IL1RAPL1: variants seen among roughly 807,000 people sequenced by gnomAD.
The protein encoded by IL1RAPL1 is interleukin 1 receptor accessory protein like 1.
A neutral mutation model predicts 48.4 loss-of-function variants in IL1RAPL1; 3 were observed. The observed-to-expected ratio is 0.06, with a 90% CI of 0.03 to 0.16. IL1RAPL1 has a LOEUF of 0.16. Among genes scored for constraint, IL1RAPL1 ranks in the 10% least tolerant of loss-of-function variants. IL1RAPL1 has a pLI of 1.00. For synonymous variants in IL1RAPL1, 185 were observed against 187.7 expected (o/e 0.99, Z 0.12); for missense variants, 349 against 530.6 (o/e 0.66, Z 3.36).
chrX:28,694,241 G>A (rs1193363917), intron 1 of IL1RAPL1, among the ~76,000 whole-genome samples: 1 of 112,055 alleles, frequency 8.9e-6, no homozygotes, highest in African/African-American at 3.2e-5. Context: ...AAATCCTGCA[G>A]TGTATGTTTA....
intron 3 of IL1RAPL1, among the ~76,000 whole-genome samples, chrX:29,382,774 C>T (rs1482257697): frequency 9.0e-6 from 1 of 111,545 alleles, no homozygotes; most frequent in Non-Finnish European, 1.9e-5. Flanking sequence ...GCAGCTCTTT[C>T]AGGCAATACT....
chrX:29,190,754 T>C (rs1602104148), intron 2 of IL1RAPL1, among the ~76,000 whole-genome samples: 1 of 112,567 alleles, frequency 8.9e-6, no homozygotes, highest in African/African-American at 3.2e-5. Flanking sequence ...TAAGTACTGT[T>C]TATGGCTTAT....
At chrX:29,282,247 A>G (rs931080152) in intron 2 of IL1RAPL1, among the ~76,000 whole-genome samples, 3 of 112,640 alleles carry the variant, frequency 2.7e-5, no homozygotes, top group Non-Finnish European at 5.6e-5. Flanking sequence ...GAGATAGCAC[A>G]CCTGAGAAAA....
At chrX:29,500,811 T>G (rs1249215298) in intron 5 of IL1RAPL1, among the ~76,000 whole-genome samples, 5 of 54,124 alleles carry the variant, frequency 9.2e-5, no homozygotes, top group Non-Finnish European at 1.9e-4. Flanking sequence ...ATATTTGTCT[T>G]TTTTCTTTTG....
intron 8 of IL1RAPL1, among the ~76,000 whole-genome samples, chrX:29,937,402 G>T (rs1933050714): frequency 8.9e-6 from 1 of 112,026 alleles, no homozygotes; most frequent in African/African-American, 3.2e-5. Flanking sequence ...ATAAAATACA[G>T]CAGTGGGCCC....
At chrX:29,511,586 A>G (rs753987775) in intron 5 of IL1RAPL1, among the ~76,000 whole-genome samples, 1 of 112,170 alleles carries the variant, frequency 8.9e-6, no homozygotes, top group Admixed American at 9.5e-5. Context: ...AGTTTTTGTA[A>G]CATTGGTGTT....
intron 2 of IL1RAPL1, among the ~76,000 whole-genome samples, chrX:28,916,271 A>G (rs1923488381): frequency 9.0e-6 from 1 of 110,945 alleles, no homozygotes; most frequent in Non-Finnish European, 1.9e-5. Flanking sequence ...CTGTTTCCCC[A>G]TTCTTAGGTC....
intron 6 of IL1RAPL1, among the ~76,000 whole-genome samples, chrX:29,834,798 T>A (rs1422579529): frequency 8.9e-6 from 1 of 112,038 alleles, no homozygotes; most frequent in Admixed American, 9.5e-5. Flanking sequence ...GTTTTGAATT[T>A]CTGGTATATT....
At chrX:29,229,194 C>T (rs922821584) in intron 2 of IL1RAPL1, among the ~76,000 whole-genome samples, 9 of 111,547 alleles carry the variant, frequency 8.1e-5, no homozygotes, top group East Asian at 2.8e-4. Context: ...TCATTGGCAT[C>T]GTTTCCCTTT....
At chrX:29,047,763 G>A (rs913098558) in intron 2 of IL1RAPL1, among the ~76,000 whole-genome samples, 16 of 104,171 alleles carry the variant, frequency 1.5e-4, no homozygotes, top group Non-Finnish European at 3.9e-5. Flanking sequence ...TCACACTGTC[G>A]CCTGCATTGG....
At chrX:28,926,094 T>C (rs1055728765) in intron 2 of IL1RAPL1, among the ~76,000 whole-genome samples, 2 of 112,149 alleles carry the variant, frequency 1.8e-5, no homozygotes, top group African/African-American at 3.2e-5. Context: ...TACTTAAATT[T>C]AAGTTCATTA....
At chrX:28,836,758 GTCA>G (rs1159585376) in intron 2 of IL1RAPL1, among the ~76,000 whole-genome samples, 1 of 109,474 alleles carries the variant, frequency 9.1e-6, no homozygotes, top group Non-Finnish European at 1.9e-5. Flanking sequence ...CATCATCATC[GTCA>G]TCATCATCAC....
chrX:29,483,841 G>A (rs1162808398), intron 5 of IL1RAPL1, among the ~76,000 whole-genome samples: 8 of 109,508 alleles, frequency 7.3e-5, no homozygotes, highest in Non-Finnish European at 1.3e-4. Flanking sequence ...ACAGGCACAC[G>A]CCACCATACG....
intron 6 of IL1RAPL1, among the ~76,000 whole-genome samples, chrX:29,828,466 G>GATAATGGATTTGA (rs1930792543): frequency 9.0e-6 from 1 of 111,621 alleles, no homozygotes; most frequent in African/African-American, 3.3e-5. Flanking sequence ...GATAGTTTAT[G>GATAATGGATTTGA]TATATATTTT....
chrX:29,103,459 C>T (rs1928386491), intron 2 of IL1RAPL1, among the ~76,000 whole-genome samples: 1 of 111,396 alleles, frequency 9.0e-6, no homozygotes, highest in Non-Finnish European at 1.9e-5. Context: ...CGACCATTTA[C>T]AAAAGCAAAA....
intron 5 of IL1RAPL1, among the ~76,000 whole-genome samples, chrX:29,488,189 C>T (rs1935116660): frequency 8.9e-6 from 1 of 112,509 alleles, no homozygotes; most frequent in South Asian, 3.6e-4. Flanking sequence ...CCTGTAATCC[C>T]AGCACTTTGG....
At chrX:29,006,647 ATGTGTGTGTGTGTGTGTGTGTG>A (rs547186942) in intron 2 of IL1RAPL1, among the ~76,000 whole-genome samples, 1 of 76,934 alleles carries the variant, frequency 1.3e-5, no homozygotes, top group Non-Finnish European at 2.4e-5. Context: ...GTTTATATAT[ATGTGTGTGTGTGTGTGTGTGTG>A]TGTGTGTGTG....
At chrX:28,916,302 C>G (rs190502298) in intron 2 of IL1RAPL1, among the ~76,000 whole-genome samples, 2 of 111,358 alleles carry the variant, frequency 1.8e-5, no homozygotes, top group Admixed American at 1.9e-4. Flanking sequence ...GGGACACTGG[C>G]TTTTTATTCT....
intron 6 of IL1RAPL1, among the ~76,000 whole-genome samples, chrX:29,710,138 T>C (rs1927299742): frequency 8.9e-6 from 1 of 111,744 alleles, no homozygotes; most frequent in Admixed American, 9.6e-5. Flanking sequence ...TGTTCTCATA[T>C]TGATGCCTTT....
Sources: gnomAD v4.1 joint callset for allele counts (sites outside exome capture counted in the v4.1 genomes callset) on GRCh38, gnomAD v4.1.1 for gene constraint, MANE v1.5 for transcripts, NCBI Gene and HGNC (gene_info 2026-07-23, HGNC 2026-07-21) for gene names.